The following ROR1 variants were observed in gnomAD, a reference collection of about 807,000 sequenced individuals.
The protein encoded by ROR1 is inactive tyrosine-protein kinase transmembrane receptor ROR1.
ROR1 carries 19 observed loss-of-function variants against 78.8 expected under a neutral mutation model. The ratio of observed to expected loss-of-function variants is 0.24; its 90% confidence interval spans 0.17 to 0.35. The LOEUF (loss-of-function observed/expected upper bound fraction) is 0.35, where lower values mean the gene tolerates loss of function less well. Among genes scored for constraint, ROR1 ranks in the 10% least tolerant of loss-of-function variants. The pLI, the probability that ROR1 is intolerant of heterozygous loss-of-function variation, is 1.00. For missense variants in ROR1, 917 were observed against 1,177.8 expected, an observed-to-expected ratio of 0.78 and a Z score of 3.24; for synonymous variants, 386 against 433.6, an observed-to-expected ratio of 0.89 and a Z score of 1.36.
intron 4 of ROR1, among the ~76,000 whole-genome samples, chr1:64,121,059 C>CTTTTTTTTTTTT (rs200292093): frequency 6.1e-5 from 5 of 82,026 alleles, no homozygotes; most frequent in Admixed American, 1.3e-4. Context: ...GGAGATACCC[C>CTTTTTTTTTTTT]TTTTTTTTTT....
chr1:64,068,710 T>C (rs542938816), intron 4 of ROR1, among the ~76,000 whole-genome samples: 1 of 152,348 alleles, frequency 6.6e-6, no homozygotes, highest in South Asian at 2.1e-4. Context: ...TTTGACCTAA[T>C]GGCTAGAGTA....
At chr1:63,989,835 A>G (rs1416847415) in intron 1 of ROR1, among the ~76,000 whole-genome samples, 2 of 152,200 alleles carry the variant, frequency 1.3e-5, no homozygotes, top group Non-Finnish European at 2.9e-5. Flanking sequence ...TGTGATGTCC[A>G]CATGAAAGAA....
At chr1:64,014,692 A>G (rs1485000161) in intron 2 of ROR1, among the ~76,000 whole-genome samples, 1 of 115,156 alleles carries the variant, frequency 8.7e-6, no homozygotes, top group Non-Finnish European at 1.8e-5. Flanking sequence ...CCAACTGCAA[A>G]TAGTTCTCTG....
At chr1:64,171,758 G>C (rs1190677676) in intron 8 of ROR1, among the ~76,000 whole-genome samples, 1 of 152,150 alleles carries the variant, frequency 6.6e-6, no homozygotes, top group Non-Finnish European at 1.5e-5. Context: ...GCACCCTAAT[G>C]TAGCTCTGTT....
At chr1:64,072,602 G>A (rs55815415) in intron 4 of ROR1, among the ~76,000 whole-genome samples, 90 of 152,266 alleles carry the variant, frequency 5.9e-4, no homozygotes, top group African/African-American at 2.1e-3. Flanking sequence ...AGACCTCAAA[G>A]CCTGTTGTTG....
At chr1:63,920,827 G>A (rs1645648556) in intron 1 of ROR1, among the ~76,000 whole-genome samples, 3 of 152,288 alleles carry the variant, frequency 2.0e-5, no homozygotes, top group African/African-American at 7.2e-5. Flanking sequence ...GCCCCAAGGT[G>A]GCCCGTGTTA....
intron 1 of ROR1, among the ~76,000 whole-genome samples, chr1:63,957,424 C>A (rs1443316931): frequency 6.6e-6 from 1 of 152,150 alleles, no homozygotes; most frequent in Non-Finnish European, 1.5e-5. Flanking sequence ...GTGGGAGATG[C>A]GAATCCATGA....
chr1:64,091,749 C>T (rs1336606919), intron 4 of ROR1, among the ~76,000 whole-genome samples: 3 of 152,128 alleles, frequency 2.0e-5, no homozygotes, highest in African/African-American at 7.2e-5. Flanking sequence ...TTCCTTTCTT[C>T]TCCATGTGTC....
At chr1:63,854,491 G>A (rs923519509) in intron 1 of ROR1, among the ~76,000 whole-genome samples, 1 of 152,204 alleles carries the variant, frequency 6.6e-6, no homozygotes, top group Admixed American at 6.5e-5. Flanking sequence ...TTACAAATAG[G>A]TGACAGTTGT....
At chr1:64,118,996 C>CT (rs1648423684) in intron 4 of ROR1, among the ~76,000 whole-genome samples, 1 of 152,210 alleles carries the variant, frequency 6.6e-6, no homozygotes, top group African/African-American at 2.4e-5. Flanking sequence ...CCAGCCTCAC[C>CT]TTGACAGGTC....
chr1:63,978,985 A>G (rs758459355), intron 1 of ROR1, among the ~76,000 whole-genome samples: 2 of 152,140 alleles, frequency 1.3e-5, no homozygotes, highest in African/African-American at 4.8e-5. Context: ...TCTGAAGGCC[A>G]TCTGCTGGAG....
chr1:63,927,559 A>T (rs1042831341), intron 1 of ROR1, among the ~76,000 whole-genome samples: 2 of 3,954 alleles, frequency 5.1e-4, no homozygotes, highest in East Asian at 0.1. Context: ...CTTTTTCTTA[A>T]AAAAAAAAAA....
At chr1:64,040,787 C>T (rs1000598656) in intron 2 of ROR1, among the ~76,000 whole-genome samples, 1 of 152,118 alleles carries the variant, frequency 6.6e-6, no homozygotes, top group Non-Finnish European at 1.5e-5. Context: ...CTTCCCAAGG[C>T]CCCACCTCTT....
At chr1:64,095,056 G>A (rs1647263000) in intron 4 of ROR1, 1 of 152,112 alleles carries the variant, frequency 6.6e-6, no homozygotes, top group African/African-American at 2.4e-5. Flanking sequence ...GCCATGATTG[G>A]AGTCCTCAGC....
At chr1:64,177,406 G>T in intron 8 of ROR1, 22 bp from the exon 9 acceptor site, 1 of 1,573,030 alleles carries the variant, frequency 6.4e-7, no homozygotes, top group Non-Finnish European at 8.6e-7. Flanking sequence ...TTTAAACCAC[G>T]TTTTTCCTCT....
At chr1:63,941,143 T>G (rs1015103966) in intron 1 of ROR1, among the ~76,000 whole-genome samples, 9 of 152,164 alleles carry the variant, frequency 5.9e-5, no homozygotes, top group African/African-American at 2.2e-4. Context: ...GGTTTTGTGC[T>G]GGAGGGTAGA....
intron 1 of ROR1, among the ~76,000 whole-genome samples, chr1:63,921,659 G>A (rs1349167495): frequency 6.7e-6 from 1 of 148,866 alleles, no homozygotes; most frequent in African/African-American, 2.5e-5. Context: ...CTGATAAGGT[G>A]CGGCAGAGAG....
chr1:63,807,684 G>A (rs919861945), intron 1 of ROR1, among the ~76,000 whole-genome samples: 11 of 152,060 alleles, frequency 7.2e-5, no homozygotes, highest in African/African-American at 2.4e-4. Flanking sequence ...ACTCCTGAAG[G>A]CAGGGATGAT....
intron 4 of ROR1, among the ~76,000 whole-genome samples, chr1:64,080,731 A>T (rs1486156181): frequency 6.6e-6 from 1 of 152,188 alleles, no homozygotes; most frequent in East Asian, 1.9e-4. Flanking sequence ...AAGAGTACGG[A>T]TGGAGGACAA....
Sources: gnomAD v4.1 joint callset for allele counts (sites outside exome capture counted in the v4.1 genomes callset) on GRCh38, gnomAD v4.1.1 for gene constraint, MANE v1.5 for transcripts, NCBI Gene and HGNC (gene_info 2026-07-23, HGNC 2026-07-21) for gene names.